PRKAG2: variants seen among roughly 807,000 people sequenced by gnomAD.
PRKAG2 encodes protein kinase AMP-activated non-catalytic subunit gamma 2.
PRKAG2 carries 26 observed loss-of-function variants against 69.6 expected under a neutral mutation model. The ratio of observed to expected loss-of-function variants is 0.37; its 90% CI spans 0.27 to 0.52. The LOEUF (loss-of-function observed/expected upper bound fraction) is 0.52. Among genes scored for constraint, PRKAG2 ranks in the 20% least tolerant of loss-of-function variants. The pLI, the probability that PRKAG2 is intolerant of heterozygous loss-of-function variation, is 0.90. For synonymous variants in PRKAG2, 293 were observed against 285.0 expected (o/e 1.03, Z -0.28); for missense variants, 557 against 740.0 (o/e 0.75, Z 2.87).
intron 1 of PRKAG2, among the ~76,000 whole-genome samples, chr7:151,869,672 G>A (rs1036626339): frequency 4.6e-5 from 7 of 152,238 alleles, no homozygotes; most frequent in Non-Finnish European, 5.9e-5. Flanking sequence ...CTAGCTGCCC[G>A]TTCCCTCCAG....
chr7:151,769,449 G>C (rs974200096), intron 3 of PRKAG2, among the ~76,000 whole-genome samples: 1 of 152,332 alleles, frequency 6.6e-6, no homozygotes, highest in East Asian at 1.9e-4. Flanking sequence ...GACACACACA[G>C]AGGAAGGCCA....
intron 15 of PRKAG2, chr7:151,558,607 C>G: frequency 1.0e-6 from 1 of 954,222 alleles, no homozygotes; most frequent in African/African-American, 1.8e-5. Context: ...TCCCTGAGTT[C>G]CACTCCAAAA....
intron 1 of PRKAG2, among the ~76,000 whole-genome samples, chr7:151,833,464 G>A (rs1881625): frequency 0.19 from 29,565 of 152,182 alleles, 3,215 homozygotes; most frequent in South Asian, 0.36. Context: ...GGGCCCTGGG[G>A]AAGTCTGCAG....
At chr7:151,738,804 C>T (rs1010447000) in intron 3 of PRKAG2, among the ~76,000 whole-genome samples, 3 of 152,180 alleles carry the variant, frequency 2.0e-5, no homozygotes, top group East Asian at 1.9e-4. Context: ...CTGTGAGACC[C>T]CTGATTTCCC....
rs1038616734 is a variant in PRKAG2, at chr7:151,814,144, G to A, written c.115-27603C>T. 6.6e-6 allele frequency among the ~76,000 whole-genome samples: 1 copy of A among 152,128 alleles called. No homozygotes were observed. On this transcript the variant is annotated intron_variant, in intron 1 of 15. Transcript: ENST00000287878. This position sits in a 1 kb window ranked among gnomAD's most constrained non-coding sequence, Gnocchi z 4.8. ...CTCAGAGAGGAATGGAGCTGAACAC[G>A]CCCACACACATACCACCTTCACTAG...
At chr7:151,868,646 C>A (rs374343668) in intron 1 of PRKAG2, among the ~76,000 whole-genome samples, 2 of 152,218 alleles carry the variant, frequency 1.3e-5, no homozygotes, top group East Asian at 3.9e-4. Flanking sequence ...TCGGTGATCA[C>A]GTTCATTGGT....
At chr7:151,598,385 G>T (rs539555172) in intron 5 of PRKAG2, among the ~76,000 whole-genome samples, 3 of 152,206 alleles carry the variant, frequency 2.0e-5, no homozygotes, top group South Asian at 2.1e-4. Flanking sequence ...GCACAGTGGG[G>T]TGACTATAGT....
chr7:151,844,814 G>T (rs1412027615), intron 1 of PRKAG2, among the ~76,000 whole-genome samples: 1 of 152,236 alleles, frequency 6.6e-6, no homozygotes, highest in Non-Finnish European at 1.5e-5. Context: ...TAAAGGCTCA[G>T]TAAGTATTTA....
chr7:151,826,350 T>C (rs1204328370), intron 1 of PRKAG2, among the ~76,000 whole-genome samples: 1 of 152,036 alleles, frequency 6.6e-6, no homozygotes, highest in African/African-American at 2.4e-5. Context: ...CTGGCTAATT[T>C]TTTTGTATTT....
intron 3 of PRKAG2, among the ~76,000 whole-genome samples, chr7:151,735,009 C>A (rs1333843251): frequency 6.6e-6 from 1 of 151,932 alleles, no homozygotes; most frequent in African/African-American, 2.4e-5. Context: ...CGCACGCCAC[C>A]ACGCCCAGCT....
chr7:151,836,371 G>T lies in PRKAG2; in HGVS notation c.114+40136C>A, dbSNP rs568983582. 5.6e-4 allele frequency among the ~76,000 whole-genome samples: 86 copies of T among 152,318 alleles called. No homozygotes were observed. The highest frequency in any genetic ancestry group is 2.0e-3 in the African/African-American group (83 of 41,568). On this transcript the variant is annotated intron_variant, in intron 1 of 15. Coordinates refer to ENST00000287878, the MANE Select transcript of PRKAG2 (RefSeq NM_016203.4). The surrounding 1 kb of genome is among the most constrained non-coding windows in gnomAD (Gnocchi z 4.1). ...TCAAGAGGGGCGAGAGAATGGGGTG[G>T]TGGCTGCCCCAGGCCAGCTGGTCCA...
intron 5 of PRKAG2, among the ~76,000 whole-genome samples, chr7:151,619,260 C>G (rs535912949): frequency 6.6e-6 from 1 of 152,184 alleles, no homozygotes; most frequent in Admixed American, 6.5e-5. Flanking sequence ...AGCTGGAGAA[C>G]GGTGATGGCC....
chr7:151,816,162 T>G (rs1398812621), intron 1 of PRKAG2, among the ~76,000 whole-genome samples: 1 of 152,132 alleles, frequency 6.6e-6, no homozygotes, highest in Non-Finnish European at 1.5e-5. Flanking sequence ...GTCCGTGGCT[T>G]TCTTAAAGTC....
At chr7:151,848,659 G>A (rs2079496882) in intron 1 of PRKAG2, among the ~76,000 whole-genome samples, 1 of 151,166 alleles carries the variant, frequency 6.6e-6, no homozygotes, top group Admixed American at 6.6e-5. Context: ...TGAGTAGCTG[G>A]GATTACAGGC....
At chr7:151,678,296 C>A (rs1284530060) in intron 3 of PRKAG2, among the ~76,000 whole-genome samples, 5 of 152,188 alleles carry the variant, frequency 3.3e-5, no homozygotes, top group Non-Finnish European at 7.4e-5. Context: ...TCCTGCCACT[C>A]CCTCTGGGCC....
chr7:151,723,804 G>A (rs1434244235), intron 3 of PRKAG2, among the ~76,000 whole-genome samples: 1 of 152,164 alleles, frequency 6.6e-6, no homozygotes, highest in Non-Finnish European at 1.5e-5. Context: ...CCTGAGCCAT[G>A]ATGCCTCCCT....
intron 3 of PRKAG2, among the ~76,000 whole-genome samples, chr7:151,717,279 G>T (rs1334811642): frequency 6.6e-6 from 1 of 151,524 alleles, no homozygotes; most frequent in East Asian, 1.9e-4. Flanking sequence ...AAGGAAAGAG[G>T]TTGCCTTCAT....
intron 1 of PRKAG2, among the ~76,000 whole-genome samples, chr7:151,827,241 T>C (rs1040398641): frequency 6.6e-6 from 1 of 152,158 alleles, no homozygotes; most frequent in African/African-American, 2.4e-5. Context: ...ATTTATTTAT[T>C]CATTCATTTA....
At position 151,835,269 on chromosome 7, in the gene PRKAG2, C is replaced by A. The variant is rs566579041; in HGVS notation, c.114+41238G>T. ...TCTTGCTGTTTTCCAGGCTGGAGTG[C>A]CATGACACACACGATCTTGGCTCAC... On this transcript the variant is annotated intron_variant, in intron 1 of 15. Coordinates refer to ENST00000287878, the MANE Select transcript of PRKAG2 (RefSeq NM_016203.4). The surrounding 1 kb of genome is among the most constrained non-coding windows in gnomAD (Gnocchi z 4.1). 9.1e-3 allele frequency among the ~76,000 whole-genome samples: 1,379 copies of A among 152,250 alleles called. 9 individuals carry two copies. The highest frequency in any genetic ancestry group is 0.014 in the Non-Finnish European group (922 of 68,018).
Sources: gnomAD v4.1 joint callset for allele counts (sites outside exome capture counted in the v4.1 genomes callset) on GRCh38, gnomAD v4.1.1 for gene constraint, Gnocchi (gnomAD v3.1) non-coding constraint, MANE v1.5 for transcripts, NCBI Gene and HGNC (gene_info 2026-07-23, HGNC 2026-07-21) for gene names.